Variants in RBFOX1 observed in about 807,000 individuals in gnomAD.
RBFOX1 encodes RNA binding protein fox-1 homolog 1.
In RBFOX1, 8 loss-of-function variants were observed where a neutral mutation model predicts 57.7. That is an observed-to-expected ratio of 0.14 (90% CI 0.08 to 0.25). The LOEUF (loss-of-function observed/expected upper bound fraction) is 0.25, where lower values mean the gene tolerates loss of function less well. RBFOX1 is among the 10% of genes least tolerant of loss of function. The pLI is 1.00. For missense variants in RBFOX1, 611 were observed against 548.5 expected, an observed-to-expected ratio of 1.11 and a Z score of -1.14; for synonymous variants, 326 against 222.4, an observed-to-expected ratio of 1.47 and a Z score of -4.15.
intron 4 of RBFOX1, among the ~76,000 whole-genome samples, chr16:7,145,299 G>A (rs554656556): frequency 1.3e-5 from 2 of 152,100 alleles, no homozygotes; most frequent in Non-Finnish European, 2.9e-5. Flanking sequence ...CAACTTCCCG[G>A]GTACAAGAGA....
intron 4 of RBFOX1, among the ~76,000 whole-genome samples, chr16:5,935,869 G>C (rs192820517): frequency 6.6e-6 from 1 of 152,154 alleles, no homozygotes; most frequent in East Asian, 1.9e-4. Flanking sequence ...GGATATCCTG[G>C]TTGTTGGCTG....
chr16:5,818,977 T>TC (rs1313004050), intron 3 of RBFOX1, among the ~76,000 whole-genome samples: 2 of 152,200 alleles, frequency 1.3e-5, no homozygotes, highest in Non-Finnish European at 2.9e-5. Context: ...CTTGGATCTG[T>TC]CCCCATCTCC....
In RBFOX1 at chr16:5,524,290, C is replaced by G. The variant is rs115234274; in HGVS notation, c.258+57036C>G. 5.7e-3 allele frequency among the ~76,000 whole-genome samples: 873 copies of G among 152,188 alleles called. 12 individuals are homozygous for G. Among genetic ancestry groups the G allele is most frequent in the African/African-American group, 0.02 (816 of 41,542 alleles). ...TCCGTGCTGTGTTACTGGAAGGAAA[C>G]CATGCTCTGAAACTTCTCCCCATCC... On this transcript the variant is annotated intron_variant, in intron 2 of 2. Transcript: ENST00000585867.
At chr16:5,703,282 GGATAT>G (rs927836247) in intron 3 of RBFOX1, among the ~76,000 whole-genome samples, 5 of 152,216 alleles carry the variant, frequency 3.3e-5, no homozygotes, top group African/African-American at 1.2e-4. Context: ...GCTTTCTGGA[GGATAT>G]GATATTTGAA....
At chr16:7,239,602 C>G (rs897927418) in intron 4 of RBFOX1, among the ~76,000 whole-genome samples, 1 of 152,108 alleles carries the variant, frequency 6.6e-6, no homozygotes, top group African/African-American at 2.4e-5. Context: ...AAAAGAAAAA[C>G]AGAAAACACT....
intron 2 of RBFOX1, among the ~76,000 whole-genome samples, chr16:6,385,483 C>A (rs1040652395): frequency 6.6e-6 from 1 of 152,218 alleles, no homozygotes; most frequent in African/African-American, 2.4e-5. Flanking sequence ...CCTCTGCCTC[C>A]CCAGTAGCTG....
rs1230514335 is a variant in RBFOX1 at position 6,791,587 on chromosome 16, C to T, written c.-16+136937C>T. Among the ~76,000 whole-genome samples the T allele has an allele frequency of 2.0e-5, 3 of 152,116 alleles. No homozygotes were observed. The East Asian group carries it at 5.8e-4, about 29-fold the overall frequency. On this transcript the variant is annotated intron_variant, in intron 3 of 15. Transcript: ENST00000550418. ...CAACCTGGCCAACATGGTGAAACCCCATCTCTACTAAAAATACAAAAATCA... is the reference window on the plus strand; with the variant it reads ...CAACCTGGCCAACATGGTGAAACCCTATCTCTACTAAAAATACAAAAATCA...
chr16:6,683,665 G>C (rs10459841), intron 3 of RBFOX1, among the ~76,000 whole-genome samples: 74,397 of 152,038 alleles, frequency 0.49, 21,982 homozygotes, highest in Non-Finnish European at 0.64. Flanking sequence ...CCAGGTTTAA[G>C]GCGAAAGCAA....
chr16:6,953,390 T>C (rs1048156706), intron 3 of RBFOX1, among the ~76,000 whole-genome samples: 2 of 147,948 alleles, frequency 1.4e-5, no homozygotes, highest in Non-Finnish European at 3.0e-5. Flanking sequence ...TTTGTTGTTG[T>C]TATTGTTTTT....
intron 3 of RBFOX1, among the ~76,000 whole-genome samples, chr16:6,790,065 T>A (rs941509000): frequency 7.1e-6 from 1 of 140,202 alleles, no homozygotes; most frequent in Non-Finnish European, 1.6e-5. Flanking sequence ...GGAGATTTAA[T>A]AAACTTATTT....
In RBFOX1 at chr16:6,787,911, A is replaced by T. The variant is rs12921317; in HGVS notation, c.-16+133261A>T. Among the ~76,000 whole-genome samples, 3 of 151,990 alleles carry T rather than the reference A, an allele frequency of 2.0e-5. No homozygotes were observed. The East Asian group carries it at 5.8e-4, about 29-fold the overall frequency. On this transcript the variant is annotated intron_variant, in intron 3 of 15. Transcript: ENST00000550418. ...TTTTAATATTAATAGCCAATCTGTC[A>T]TTACTAAACAGCTGGTGAAAGGCCA...
chr16:5,276,569 G>C (rs2063145777), intron 1 of RBFOX1, among the ~76,000 whole-genome samples: 1 of 152,194 alleles, frequency 6.6e-6, no homozygotes, highest in Non-Finnish European at 1.5e-5. Flanking sequence ...TGTATCACGA[G>C]GTCAGGAGTT....
chr16:6,239,485 CTTTTTTTTTTTTTTTTTTT>C (rs59244306), intron 1 of RBFOX1, among the ~76,000 whole-genome samples: 2 of 67,802 alleles, frequency 2.9e-5, no homozygotes, highest in African/African-American at 1.1e-4. Flanking sequence ...CCAACTGACT[CTTTTTTTTTTTTTTTTTTT>C]TTTTTTTTTT....
rs111500403 is a variant in RBFOX1, at chr16:7,039,161, T to G, written c.-15-12896T>G. 1.5e-3 allele frequency among the ~76,000 whole-genome samples: 227 copies of G among 152,374 alleles called. 1 individual carries two copies. Among genetic ancestry groups the G allele is most frequent in the African/African-American group, 5.3e-3 (222 of 41,586 alleles). ...ATTTTAGGATATGCTCCATAAAGTA[T>G]TCCCGAGGACTCTTAGCCATAAATT... On this transcript the variant is annotated intron_variant, in intron 3 of 15. Transcript: ENST00000550418.
At chr16:6,779,051 C>G (rs2079884037) in intron 3 of RBFOX1, among the ~76,000 whole-genome samples, 1 of 151,960 alleles carries the variant, frequency 6.6e-6, no homozygotes, top group East Asian at 1.9e-4. Flanking sequence ...TTGAAATATA[C>G]AATGCATTAT....
At chr16:6,770,907 G>C (rs1010720942) in intron 3 of RBFOX1, among the ~76,000 whole-genome samples, 4 of 152,128 alleles carry the variant, frequency 2.6e-5, no homozygotes, top group South Asian at 2.1e-4. Context: ...TGATGTGCTT[G>C]GGTCTGAGAA....
At chr16:6,082,192 T>G (rs1807251286) in intron 1 of RBFOX1, among the ~76,000 whole-genome samples, 1 of 144,300 alleles carries the variant, frequency 6.9e-6, no homozygotes, top group Non-Finnish European at 1.5e-5. Flanking sequence ...TTTTTTTTTT[T>G]TTTTTTGAGA....
At chr16:5,843,488 A>G (rs1251240996) in intron 3 of RBFOX1, among the ~76,000 whole-genome samples, 2 of 152,210 alleles carry the variant, frequency 1.3e-5, no homozygotes, top group Non-Finnish European at 2.9e-5. Flanking sequence ...ATGGCTGCAT[A>G]GTATTCCATG....
At chr16:6,756,221 A>G (rs923605038) in intron 3 of RBFOX1, among the ~76,000 whole-genome samples, 3 of 152,168 alleles carry the variant, frequency 2.0e-5, no homozygotes, top group Non-Finnish European at 4.4e-5. Context: ...TGGATTGGGG[A>G]AAGGACACCC....
Sources: allele counts gnomAD v4.1 joint callset (sites outside exome capture counted in the v4.1 genomes callset), GRCh38; gene constraint gnomAD v4.1.1; transcripts MANE v1.5; gene names NCBI Gene and HGNC (gene_info 2026-07-23, HGNC 2026-07-21).